GPR107: variants seen among roughly 807,000 people sequenced by gnomAD.
GPR107 encodes G protein-coupled receptor 107.
In GPR107, 31 loss-of-function variants were observed where a neutral mutation model predicts 75.5. That is an observed-to-expected ratio of 0.41 (90% confidence interval 0.31 to 0.55). GPR107 has a LOEUF of 0.55. GPR107 is among the 20% of genes least tolerant of loss of function. The probability of loss-of-function intolerance (pLI) is 0.26; values close to 1 mark genes in which losing one functional copy is unlikely to be tolerated. For synonymous variants in GPR107, 267 were observed against 251.3 expected (o/e 1.06, Z -0.59); for missense variants, 572 against 665.7 (o/e 0.86, Z 1.55).
Position 130,083,670 on chromosome 9 carries a change from ATG to A in GPR107, c.564+80_564+81del, listed in dbSNP as rs10552308. The stretch of plus-strand genomic sequence containing the variant: ...GTGTGTACGTGTGTGTGTTATATGC[ATG>A]TGTGTGTGTGTATTGATATATATAC... On this transcript the variant is annotated intron_variant, in intron 6 of 17. Coordinates refer to ENST00000347136, the MANE Select transcript of GPR107 (RefSeq NM_020960.5). 3.2e-3 allele frequency: 2,727 copies of A among 843,772 alleles called. 44 individuals are homozygous for A. In the African/African-American group the frequency reaches 0.036, roughly 11 times the overall value. The allele number at this position is 843,772 out of a possible 1,614,324, so 52.3% of individuals were successfully genotyped here. A position where few individuals can be genotyped will look rare whatever the true frequency, so the allele number is the denominator to read the frequency against.
chr9:130,114,533 C>G lies in GPR107; in HGVS notation c.1306+6994C>G, dbSNP rs77447621. On this transcript the variant is annotated intron_variant, in intron 14 of 17. Coordinates refer to ENST00000347136, the MANE Select transcript of GPR107 (RefSeq NM_020960.5). The stretch of plus-strand genomic sequence containing the variant: ...AAGTAGCTGGAATTACAGGCATGCA[C>G]TACCATGCCTCACTAATTTTTAAAA... 1,978 of 422,388 alleles carry G rather than the reference C, an allele frequency of 4.7e-3. 36 individuals carry two copies. Among genetic ancestry groups the G allele is most frequent in the African/African-American group, 0.038 (1,824 of 47,782 alleles). The allele number at this position is 422,388 out of a possible 1,614,324, so 26.2% of individuals were successfully genotyped here.
chr9:130,106,816 C>T (rs1831172420), intron 13 of GPR107, among the ~76,000 whole-genome samples: 1 of 151,790 alleles, frequency 6.6e-6, no homozygotes, highest in Non-Finnish European at 1.5e-5. Context: ...AGTGTCAGAC[C>T]ACAGCCGCCT....
At chr9:130,066,766 A>G (rs1039423076) in intron 1 of GPR107, among the ~76,000 whole-genome samples, 1 of 152,120 alleles carries the variant, frequency 6.6e-6, no homozygotes, top group Non-Finnish European at 1.5e-5. Context: ...CAGGCAGATC[A>G]CGAGGTCAGG....
At chr9:130,078,024 G>A (rs1830398730) in intron 4 of GPR107, among the ~76,000 whole-genome samples, 1 of 152,154 alleles carries the variant, frequency 6.6e-6, no homozygotes, top group Non-Finnish European at 1.5e-5. Flanking sequence ...AATTAGCCGG[G>A]CGTGGTGGTG....
intron 1 of GPR107, among the ~76,000 whole-genome samples, chr9:130,056,233 C>T (rs1829783102): frequency 6.6e-6 from 1 of 151,960 alleles, no homozygotes; most frequent in Non-Finnish European, 1.5e-5. Context: ...GGGTGGATCA[C>T]TTGAGGTCAG....
At chr9:130,126,099 C>A (rs1189937832) in intron 15 of GPR107, among the ~76,000 whole-genome samples, 1 of 151,020 alleles carries the variant, frequency 6.6e-6, no homozygotes, top group East Asian at 2.0e-4. Flanking sequence ...TCTCTTCTTT[C>A]AAATTTCCCT....
intron 12 of GPR107, among the ~76,000 whole-genome samples, chr9:130,102,339 C>T (rs562110865): frequency 5.9e-5 from 9 of 152,258 alleles, no homozygotes; most frequent in African/African-American, 1.2e-4. Flanking sequence ...GGTTGTCACC[C>T]GGCTGCGTGT....
At chr9:130,128,467 C>T (rs900614640) in intron 16 of GPR107, among the ~76,000 whole-genome samples, 173 bp from the exon 17 acceptor site, 4 of 152,170 alleles carry the variant, frequency 2.6e-5, no homozygotes, top group Admixed American at 6.5e-5. Flanking sequence ...GGACACTCCT[C>T]GTTTAGGCCT....
At chr9:130,078,180 A>G (rs968853151) in intron 4 of GPR107, among the ~76,000 whole-genome samples, 1 of 151,794 alleles carries the variant, frequency 6.6e-6, no homozygotes, top group Non-Finnish European at 1.5e-5. Context: ...AAAAAAAAAA[A>G]TGTTGAACTT....
chr9:130,133,708 T>C (rs1199817077), intron 17 of GPR107, among the ~76,000 whole-genome samples: 1 of 152,216 alleles, frequency 6.6e-6, no homozygotes, highest in Non-Finnish European at 1.5e-5. Context: ...AGGGGATGCT[T>C]TTAGAGTCAC....
chr9:130,134,691 A>AT (rs1831906485), intron 17 of GPR107, among the ~76,000 whole-genome samples: 1 of 152,274 alleles, frequency 6.6e-6, no homozygotes, highest in Non-Finnish European at 1.5e-5. Context: ...TAACTATCAC[A>AT]TATCTGTGCG....
chr9:130,086,583 C>A, intron 7 of GPR107, 107 bp downstream of exon 7: 2 of 727,370 alleles, frequency 2.7e-6, no homozygotes, highest in East Asian at 2.5e-5. Context: ...CTTAGGTATG[C>A]CCTGTATCAG....
intron 6 of GPR107, among the ~76,000 whole-genome samples, chr9:130,086,109 T>C (rs555549114): frequency 9.3e-4 from 141 of 152,172 alleles, no homozygotes; most frequent in African/African-American, 3.3e-3. Context: ...GGGCATGGCC[T>C]GGGTCAGCAC....
At chr9:130,066,549 A>C (rs767023842) in intron 1 of GPR107, among the ~76,000 whole-genome samples, 2 of 152,120 alleles carry the variant, frequency 1.3e-5, no homozygotes, top group Non-Finnish European at 2.9e-5. Context: ...AACTGGGCGC[A>C]TGTCCATCCG....
rs1831720995 is a variant in GPR107, at chr9:130,127,702, A to G, written c.1440+136A>G. On this transcript the variant is annotated intron_variant, in intron 16 of 17. Coordinates refer to ENST00000347136, the MANE Select transcript of GPR107 (RefSeq NM_020960.5). Reference sequence around the variant, plus strand: ...CCATCTCTTCTTTTTTTTAACTAAAAATTTTTTTTTTAGTTTTTGAGACAG... The same window carrying G: ...CCATCTCTTCTTTTTTTTAACTAAAGATTTTTTTTTTAGTTTTTGAGACAG... 1.7e-5 allele frequency: 10 copies of G among 603,182 alleles called. No individual in the cohort carries two copies. The East Asian group carries it at 2.9e-4, about 17-fold the overall frequency. 37.4% of individuals were successfully genotyped at this position (603,182 alleles called of 1,614,324 possible). A position where few individuals can be genotyped will look rare whatever the true frequency, so the allele number is the denominator to read the frequency against.
intron 9 of GPR107, among the ~76,000 whole-genome samples, chr9:130,095,899 T>G (rs1830856555): frequency 6.6e-6 from 1 of 152,150 alleles, no homozygotes; most frequent in Non-Finnish European, 1.5e-5. Context: ...CAGGCGCATT[T>G]CACTGGCCCC....
At chr9:130,099,103 G>T (rs1329039322) in intron 9 of GPR107, among the ~76,000 whole-genome samples, 1 of 151,940 alleles carries the variant, frequency 6.6e-6, no homozygotes, top group Non-Finnish European at 1.5e-5. Flanking sequence ...CTTGGCCAGG[G>T]GTTCAAGACC....
At chr9:130,100,999 C>T (rs1268576257) in intron 11 of GPR107, 107 bp from the exon 12 acceptor site, 16 of 757,888 alleles carry the variant, frequency 2.1e-5, no homozygotes, top group African/African-American at 8.7e-5. Context: ...TTTGGCTGCC[C>T]GTCTTTTGTA....
At chr9:130,057,628 A>G (rs931724420) in intron 1 of GPR107, among the ~76,000 whole-genome samples, 1 of 151,832 alleles carries the variant, frequency 6.6e-6, no homozygotes, top group African/African-American at 2.4e-5. Flanking sequence ...CCATCAACAC[A>G]TGGCTGATTC....
Sources: allele counts gnomAD v4.1 joint callset (sites outside exome capture counted in the v4.1 genomes callset), GRCh38; gene constraint gnomAD v4.1.1; transcripts MANE v1.5; gene names NCBI Gene and HGNC (gene_info 2026-07-23, HGNC 2026-07-21).